The following MAGI2 variants were observed in gnomAD, a reference collection of about 807,000 sequenced individuals.
MAGI2 encodes the protein membrane-associated guanylate kinase, WW and PDZ domain-containing protein 2.
Under a neutral mutation model 133.3 loss-of-function variants are expected in MAGI2, and 35 were observed. The ratio of observed to expected loss-of-function variants is 0.26; its 90% CI spans 0.20 to 0.35. The LOEUF (loss-of-function observed/expected upper bound fraction) is 0.35, where lower values mean the gene tolerates loss of function less well. Among genes scored for constraint, MAGI2 ranks in the 10% least tolerant of loss-of-function variants. The pLI, the probability that MAGI2 is intolerant of heterozygous loss-of-function variation, is 1.00. For synonymous variants in MAGI2, 729 were observed against 710.6 expected, an observed-to-expected ratio of 1.03 and a Z score of -0.41; for missense variants, 1,636 against 1,863.4, an observed-to-expected ratio of 0.88 and a Z score of 2.25.
chr7:79,178,701 G>C (rs892871340), intron 1 of MAGI2, among the ~76,000 whole-genome samples: 4 of 150,772 alleles, frequency 2.7e-5, no homozygotes, highest in African/African-American at 4.9e-5. Context: ...AACAGAGTGA[G>C]ACTCCATTTC....
At chr7:78,675,487 G>C (rs751068654) in intron 2 of MAGI2, among the ~76,000 whole-genome samples, 13 of 152,022 alleles carry the variant, frequency 8.6e-5, no homozygotes, top group African/African-American at 1.2e-4. Context: ...ATCAAGGAAG[G>C]AGGGAGAGAA....
In MAGI2 at chr7:78,200,754, G is replaced by A. The variant is rs184111174; in HGVS notation, c.2079+408C>T. 4.8e-4 allele frequency among the ~76,000 whole-genome samples: 73 copies of A among 152,146 alleles called. 1 individual carries two copies. The East Asian group carries it at 0.013, about 28-fold the overall frequency. On this transcript the variant is annotated intron_variant, in intron 11 of 21. Transcript: ENST00000354212. ...AAATGTAAATATAAATATATACAGA[G>A]TTAAATTTTTTGTGGACTAGATTTA...
At chr7:78,669,976 G>A (rs1814152881) in intron 2 of MAGI2, among the ~76,000 whole-genome samples, 1 of 151,568 alleles carries the variant, frequency 6.6e-6, no homozygotes, top group Non-Finnish European at 1.5e-5. Context: ...TACTGAATGG[G>A]CAAAAACTGG....
chr7:78,546,030 A>G (rs948738547), intron 3 of MAGI2, among the ~76,000 whole-genome samples: 9 of 152,200 alleles, frequency 5.9e-5, no homozygotes. Flanking sequence ...AATTATCTAA[A>G]ATAAAGATGT....
At chr7:78,855,273 A>T (rs1271256792) in intron 2 of MAGI2, among the ~76,000 whole-genome samples, 1 of 151,968 alleles carries the variant, frequency 6.6e-6, no homozygotes, top group Non-Finnish European at 1.5e-5. Context: ...TTTTAATTAT[A>T]CTTTAAGTTC....
chr7:78,479,622 T>A (rs1201545023), intron 6 of MAGI2, among the ~76,000 whole-genome samples: 1 of 151,894 alleles, frequency 6.6e-6, no homozygotes, highest in East Asian at 1.9e-4. Context: ...AGAACCTACA[T>A]ACCAAACCAA....
chr7:78,244,167 TAAAAAAAAAAAAA>T (rs535442682), intron 10 of MAGI2, among the ~76,000 whole-genome samples: 30 of 68,830 alleles, frequency 4.4e-4, no homozygotes, highest in African/African-American at 1.5e-3. Context: ...CTATTTAAAT[TAAAAAAAAAAAAA>T]AAAAAAAAAA....
intron 2 of MAGI2, among the ~76,000 whole-genome samples, chr7:78,874,762 T>C (rs935941829): frequency 6.6e-5 from 10 of 152,146 alleles, no homozygotes; most frequent in African/African-American, 1.9e-4. Context: ...ATTGTATAGT[T>C]TAAAATAGCT....
chr7:78,315,144 A>G (rs1208937413), intron 9 of MAGI2, among the ~76,000 whole-genome samples: 1 of 152,132 alleles, frequency 6.6e-6, no homozygotes, highest in Non-Finnish European at 1.5e-5. Flanking sequence ...CAAGTTTCCA[A>G]ATGTCCTAGT....
chr7:78,887,846 C>G (rs1427319489), intron 2 of MAGI2, among the ~76,000 whole-genome samples: 1 of 152,136 alleles, frequency 6.6e-6, no homozygotes. Context: ...ACTGAGGTAC[C>G]AAGTTCATCT....
intron 1 of MAGI2, among the ~76,000 whole-genome samples, chr7:79,432,500 A>G (rs1418205645): frequency 6.6e-6 from 1 of 152,236 alleles, no homozygotes. Context: ...GAAGGTGGGA[A>G]CCTGAGTGGA....
intron 1 of MAGI2, among the ~76,000 whole-genome samples, chr7:79,325,629 G>C (rs1839629610): frequency 6.6e-6 from 1 of 152,144 alleles, no homozygotes; most frequent in South Asian, 2.1e-4. Flanking sequence ...TGTGAAAAGT[G>C]CTACAGCAGC....
intron 2 of MAGI2, among the ~76,000 whole-genome samples, chr7:78,767,233 C>T (rs1023362189): frequency 6.6e-6 from 1 of 152,162 alleles, no homozygotes; most frequent in Non-Finnish European, 1.5e-5. Flanking sequence ...TTGTGATCCG[C>T]CTGCCTCGGC....
At chr7:78,587,261 C>T (rs1170423923) in intron 3 of MAGI2, among the ~76,000 whole-genome samples, 1 of 152,154 alleles carries the variant, frequency 6.6e-6, no homozygotes, top group Admixed American at 6.6e-5. Context: ...CCTTATCCCC[C>T]CTTTTTTTCT....
At chr7:78,794,948 T>G (rs2151376663) in intron 2 of MAGI2, among the ~76,000 whole-genome samples, 1 of 152,286 alleles carries the variant, frequency 6.6e-6, no homozygotes, top group South Asian at 2.1e-4. Flanking sequence ...CAGGCTGACC[T>G]TGAACTCTTG....
At chr7:78,384,608 A>G (rs1334471879) in intron 6 of MAGI2, among the ~76,000 whole-genome samples, 2 of 152,140 alleles carry the variant, frequency 1.3e-5, no homozygotes, top group African/African-American at 4.8e-5. Context: ...AACAGAACTT[A>G]TTTTTCTAGT....
At chr7:78,828,038 C>T (rs1265166671) in intron 2 of MAGI2, among the ~76,000 whole-genome samples, 1 of 152,154 alleles carries the variant, frequency 6.6e-6, no homozygotes, top group Non-Finnish European at 1.5e-5. Context: ...GCATGTGCCA[C>T]CATGCCCGGC....
intron 2 of MAGI2, among the ~76,000 whole-genome samples, chr7:78,769,901 A>C (rs2151317589): frequency 6.6e-6 from 1 of 152,198 alleles, no homozygotes; most frequent in South Asian, 2.1e-4. Flanking sequence ...TTTCCTCTTA[A>C]CATCATGTGA....
intron 2 of MAGI2, among the ~76,000 whole-genome samples, chr7:78,774,692 G>A (rs1825847824): frequency 6.6e-6 from 1 of 152,102 alleles, no homozygotes. Flanking sequence ...GATTTTCTGA[G>A]AAGACCACAG....
Sources: allele counts gnomAD v4.1 joint callset (sites outside exome capture counted in the v4.1 genomes callset), GRCh38; gene constraint gnomAD v4.1.1; transcripts MANE v1.5; gene names NCBI Gene and HGNC (gene_info 2026-07-23, HGNC 2026-07-21).